Variants in BRWD3 observed in about 807,000 individuals in gnomAD.
BRWD3 encodes bromodomain and WD repeat domain containing 3.
In BRWD3, 10 loss-of-function variants were observed where a neutral mutation model predicts 149.7. The ratio of observed to expected loss-of-function variants is 0.07; its 90% CI spans 0.04 to 0.11. The LOEUF (loss-of-function observed/expected upper bound fraction) is 0.11, where lower values mean the gene tolerates loss of function less well. Ranked by LOEUF, BRWD3 falls within the 10% of genes least tolerant of loss-of-function variation. The probability of loss-of-function intolerance (pLI) is 1.00; values close to 1 mark genes in which losing one functional copy is unlikely to be tolerated. For missense variants in BRWD3, 940 were observed against 1,373.2 expected (o/e 0.68, Z 4.99); for synonymous variants, 504 against 456.7 (o/e 1.10, Z -1.32).
chrX:80,800,751 GA>G lies in BRWD3; in HGVS notation c.181-6980del, dbSNP rs1175367433. Among the ~76,000 whole-genome samples, 4 of 108,724 alleles carry G rather than the reference GA, an allele frequency of 3.7e-5. No homozygotes were observed. The East Asian group carries it at 1.2e-3, about 32-fold the overall frequency. The allele number at this position is 108,724 out of a possible 115,157, so 94.4% of individuals were successfully genotyped here. The stretch of plus-strand genomic sequence containing the variant: ...AAGAGAAGTGAAAAACCGGGCAGGG[GA>G]AAAAAAAGAAAAAAAAGACAGCAGG... On this transcript the variant is annotated intron_variant, in intron 4 of 40. Coordinates refer to ENST00000373275, the MANE Select transcript of BRWD3 (RefSeq NM_153252.5).
intron 8 of BRWD3, among the ~76,000 whole-genome samples, chrX:80,742,932 G>T (rs779944119): frequency 9.0e-6 from 1 of 111,554 alleles, no homozygotes; most frequent in South Asian, 3.7e-4. Context: ...CCAGCACTAT[G>T]TTGAATAGGA....
At chrX:80,768,221 T>C (rs778878914) in intron 6 of BRWD3, among the ~76,000 whole-genome samples, 2 of 110,546 alleles carry the variant, frequency 1.8e-5, no homozygotes, top group Non-Finnish European at 3.8e-5. Flanking sequence ...ATTCAGGAAA[T>C]AGAGAGACCA....
chrX:80,670,377 A>C lies in BRWD3; in HGVS notation c.*6232T>G, dbSNP rs1345460961. ...TGCACATTTTGGTAAAGTAGCTTTAAATTGTCAAGAACATATAATTGAGAG... is the reference window on the plus strand; with the variant it reads ...TGCACATTTTGGTAAAGTAGCTTTACATTGTCAAGAACATATAATTGAGAG... On this transcript the variant is annotated 3_prime_UTR_variant, in exon 41 of 41. Coordinates refer to ENST00000373275, the MANE Select transcript of BRWD3 (RefSeq NM_153252.5). 3.6e-5 allele frequency among the ~76,000 whole-genome samples: 4 copies of C among 111,048 alleles called. No homozygotes were observed. In the East Asian group the frequency reaches 1.1e-3, roughly 31 times the overall value.
intron 12 of BRWD3, chrX:80,733,100 A>T (rs994628990): frequency 8.3e-6 from 1 of 120,615 alleles, no homozygotes; most frequent in African/African-American, 3.4e-5. Context: ...ACCGCACTCC[A>T]GCCTCGGCAA....
intron 35 of BRWD3, 27 bp downstream of exon 35, chrX:80,686,836 C>T: frequency 8.3e-7 from 1 of 1,199,747 alleles, no homozygotes; most frequent in Non-Finnish European, 1.1e-6. Context: ...ATCATACTGA[C>T]AATTATTTAA....
chrX:80,754,844 T>C (rs2073718540), intron 6 of BRWD3, among the ~76,000 whole-genome samples: 1 of 110,928 alleles, frequency 9.0e-6, no homozygotes, highest in South Asian at 3.8e-4. Context: ...CCATCTCTAC[T>C]AAAATAACAA....
Position 80,715,015 on chromosome X carries a change from A to C in BRWD3, c.2325+1142T>G, listed in dbSNP as rs2073055543. Among the ~76,000 whole-genome samples the C allele has an allele frequency of 4.5e-5, 5 of 111,934 alleles. No homozygotes were observed. In the South Asian group the frequency reaches 1.9e-3, roughly 41 times the overall value. The stretch of plus-strand genomic sequence containing the variant: ...TTACTATTGATATTCCATTTAGCTA[A>C]GCTGCAATCCTAGAATGTAATCAGG... On this transcript the variant is annotated intron_variant, in intron 20 of 40. Coordinates refer to ENST00000373275, the MANE Select transcript of BRWD3 (RefSeq NM_153252.5).
rs746710927 is a variant in BRWD3, at chrX:80,808,545, C to T, written c.174G>A (p.Glu58=). The change falls in exon 4 of 41, where the codon GAG becomes GAA. Residue 58 remains glutamate (E), a synonymous_variant. Coordinates refer to ENST00000373275, the MANE Select transcript of BRWD3 (RefSeq NM_153252.5). ...AAATGAAAACTTTACTCACCAGATCCTCGAAGCTTCTTCGGTGCTCTTTCC... is the reference window on the plus strand; with the variant it reads ...AAATGAAAACTTTACTCACCAGATCTTCGAAGCTTCTTCGGTGCTCTTTCC... The part of the protein sequence containing the change: ...WEGKEHRRSF[E]DLVAANAHIP... 1 of 1,208,008 alleles carries T rather than the reference C, an allele frequency of 8.3e-7. No individual in the cohort carries two copies. The highest frequency in any genetic ancestry group is 3.0e-5 in the East Asian group (1 of 33,699).
At chrX:80,714,029 AGCCCTGCAAAG>A (rs1316930053) in intron 20 of BRWD3, among the ~76,000 whole-genome samples, 4 of 111,649 alleles carry the variant, frequency 3.6e-5, no homozygotes, top group Non-Finnish European at 5.6e-5. Flanking sequence ...ATCTTGAAAT[AGCCCTGCAAAG>A]TTGTCTCTTG....
chrX:80,798,935 A>G (rs973878500), intron 4 of BRWD3, among the ~76,000 whole-genome samples: 2 of 112,065 alleles, frequency 1.8e-5, no homozygotes, highest in African/African-American at 6.5e-5. Flanking sequence ...GCCTTGTCCA[A>G]TTGTTACAAT....
intron 24 of BRWD3, 128 bp from the exon 25 acceptor site, chrX:80,700,192 C>A: frequency 1.9e-6 from 1 of 523,456 alleles, no homozygotes; most frequent in Non-Finnish European, 3.1e-6. Flanking sequence ...AGACTTTATA[C>A]AATAAAGGTT....
intron 22 of BRWD3, among the ~76,000 whole-genome samples, chrX:80,705,814 T>C (rs1049111652): frequency 1.5e-4 from 17 of 111,917 alleles, no homozygotes; most frequent in African/African-American, 4.5e-4. Flanking sequence ...TAAAAATGTA[T>C]ACATACACAG....
At position 80,809,496 on chromosome X, in the gene BRWD3, C is replaced by A; in HGVS notation, c.-25G>T. The A allele has an allele frequency of 5.4e-6, 5 of 928,832 alleles. No homozygotes were observed. The highest frequency in any genetic ancestry group is 7.3e-6 in the Non-Finnish European group (5 of 682,544). 76.5% of individuals were successfully genotyped at this position (928,832 alleles called of 1,213,427 possible). ...TCCTTTTCCCGAGGGGGTTTGGGGG[C>A]TTCGCTCCGGAGGGGCTGGCGGGGG... On this transcript the variant is annotated 5_prime_UTR_variant, in exon 1 of 41. Transcript: ENST00000373275.
chrX:80,802,466 A>AT (rs1330178261), intron 4 of BRWD3, among the ~76,000 whole-genome samples: 1 of 107,658 alleles, frequency 9.3e-6, no homozygotes, highest in Non-Finnish European at 1.9e-5. Flanking sequence ...AAAAAAAAAA[A>AT]AATTAAAAAT....
At position 80,676,216 on chromosome X, in the gene BRWD3, C is replaced by A. The variant is rs1223716636; in HGVS notation, c.*393G>T. The stretch of plus-strand genomic sequence containing the variant: ...TAAAACTCTGTAAGAAGGTGCTATA[C>A]TTCTGTGATACAAAAGCAAAAGAGG... On this transcript the variant is annotated 3_prime_UTR_variant, in exon 41 of 41. Transcript: ENST00000373275. 2 of 180,343 alleles carry A rather than the reference C, an allele frequency of 1.1e-5. No individual in the cohort carries two copies. The highest frequency in any genetic ancestry group is 2.1e-5 in the Non-Finnish European group (2 of 96,758). 14.9% of individuals were successfully genotyped at this position (180,343 alleles called of 1,213,427 possible).
At chrX:80,808,701 C>G in intron 3 of BRWD3, 103 bp from the exon 4 acceptor site, 1 of 662,533 alleles carries the variant, frequency 1.5e-6, no homozygotes. Flanking sequence ...GTCCTCAACA[C>G]TTTACCGTCT....
chrX:80,807,117 G>A (rs2074355668), intron 4 of BRWD3, among the ~76,000 whole-genome samples: 1 of 111,832 alleles, frequency 8.9e-6, no homozygotes, highest in Admixed American at 9.5e-5. Flanking sequence ...CATATTAGTA[G>A]GCACTGTTGT....
At chrX:80,801,377 C>T (rs1602453811) in intron 4 of BRWD3, among the ~76,000 whole-genome samples, 1 of 106,361 alleles carries the variant, frequency 9.4e-6, no homozygotes, top group Non-Finnish European at 1.9e-5. Flanking sequence ...CCTGCCACCG[C>T]GCCTAATTTT....
At chrX:80,733,583 C>A in intron 11 of BRWD3, 87 bp from the exon 12 acceptor site, 6 of 703,567 alleles carry the variant, frequency 8.5e-6, no homozygotes, top group Non-Finnish European at 6.5e-6. Flanking sequence ...TAGGCAAAAA[C>A]ATCATGAAGT....
Sources: gnomAD v4.1 joint callset for allele counts (sites outside exome capture counted in the v4.1 genomes callset) on GRCh38, gnomAD v4.1.1 for gene constraint, MANE v1.5 for transcripts, NCBI Gene and HGNC (gene_info 2026-07-23, HGNC 2026-07-21) for gene names.